FGF10: variants seen among roughly 807,000 people sequenced by gnomAD.
The protein encoded by FGF10 is fibroblast growth factor 10, also known as FGF-10.
Under a neutral mutation model 19.8 loss-of-function variants are expected in FGF10, and 2 were observed. The ratio of observed to expected loss-of-function variants is 0.10; its 90% CI spans 0.04 to 0.32. The LOEUF is 0.32. Among genes scored for constraint, FGF10 ranks in the 10% least tolerant of loss-of-function variants. FGF10 has a pLI of 1.00. For missense variants in FGF10, 191 were observed against 246.3 expected (o/e 0.78, Z 1.50); for synonymous variants, 112 against 94.0 (o/e 1.19, Z -1.10).
At chr5:44,375,146 T>C (rs972117308) in intron 1 of FGF10, among the ~76,000 whole-genome samples, 2 of 152,144 alleles carry the variant, frequency 1.3e-5, no homozygotes, top group African/African-American at 4.8e-5. Flanking sequence ...TAATAATATA[T>C]AGAAAGAGGA....
At chr5:44,374,630 C>T (rs1741814281) in intron 1 of FGF10, among the ~76,000 whole-genome samples, 3 of 152,180 alleles carry the variant, frequency 2.0e-5, no homozygotes, top group Admixed American at 6.5e-5. Context: ...CAGACAAGAC[C>T]ACTCCCTTTA....
At chr5:44,340,898 C>T (rs572151616) in intron 1 of FGF10, among the ~76,000 whole-genome samples, 1 of 149,762 alleles carries the variant, frequency 6.7e-6, no homozygotes, top group African/African-American at 2.4e-5. Context: ...AGGGGAGAGA[C>T]AAAACAAAAG....
chr5:44,332,074 T>C (rs1740747481), intron 1 of FGF10, among the ~76,000 whole-genome samples: 1 of 152,144 alleles, frequency 6.6e-6, no homozygotes, highest in Non-Finnish European at 1.5e-5. Context: ...AGCACAAGTA[T>C]GAACCCCAGT....
intron 1 of FGF10, among the ~76,000 whole-genome samples, chr5:44,353,338 G>A (rs1041266703): frequency 1.7e-4 from 25 of 151,486 alleles, no homozygotes; most frequent in African/African-American, 5.8e-4. Flanking sequence ...AGAACTATAT[G>A]GTTTGTTCTG....
At chr5:44,380,514 A>AT (rs1441716497) in intron 1 of FGF10, among the ~76,000 whole-genome samples, 2 of 152,138 alleles carry the variant, frequency 1.3e-5, no homozygotes, top group African/African-American at 4.8e-5. Flanking sequence ...TTGTTTCCTG[A>AT]TTTAAAAAGT....
chr5:44,351,900 T>C (rs1321147876), intron 1 of FGF10, among the ~76,000 whole-genome samples: 1 of 151,668 alleles, frequency 6.6e-6, no homozygotes, highest in Admixed American at 6.6e-5. Flanking sequence ...ATTTATATCT[T>C]GATTTTTACG....
chr5:44,388,398 GTTC>G lies in FGF10; in HGVS notation c.282_284del (p.Lys94del). 1 of 1,613,700 alleles carries G rather than the reference GTTC, an allele frequency of 6.2e-7. No individual in the cohort carries two copies. The highest frequency in any genetic ancestry group is 8.5e-7 in the Non-Finnish European group (1 of 1,180,010). On this transcript the variant is annotated inframe_deletion, in exon 1 of 3. Coordinates refer to ENST00000264664, the MANE Select transcript of FGF10 (RefSeq NM_004465.2). ...CCTTCTTGGTCCCGCTGACCTTCCC[GTTC>G]TTCTCAATCTTGAGAAAGTACTTGG...
At chr5:44,379,984 C>G (rs1239010916) in intron 1 of FGF10, among the ~76,000 whole-genome samples, 2 of 152,144 alleles carry the variant, frequency 1.3e-5, no homozygotes, top group Non-Finnish European at 2.9e-5. Flanking sequence ...TATTTTTGTT[C>G]ATCAAGTTTT....
chr5:44,331,823 G>A (rs934365802), intron 1 of FGF10, among the ~76,000 whole-genome samples: 3 of 152,060 alleles, frequency 2.0e-5, no homozygotes, highest in African/African-American at 7.2e-5. Context: ...AATCATGCTA[G>A]CATCATGCTA....
intron 1 of FGF10, among the ~76,000 whole-genome samples, chr5:44,364,963 A>G (rs1477168979): frequency 6.6e-6 from 1 of 151,952 alleles, no homozygotes; most frequent in Non-Finnish European, 1.5e-5. Context: ...AGCTAAAATG[A>G]GAGAATAAGA....
chr5:44,379,561 A>G (rs989516093), intron 1 of FGF10, among the ~76,000 whole-genome samples: 1 of 152,128 alleles, frequency 6.6e-6, no homozygotes, highest in Non-Finnish European at 1.5e-5. Context: ...CATACTTTTA[A>G]TCACTCTATC....
In FGF10 at chr5:44,348,115, A is replaced by G. The variant is rs748613669; in HGVS notation, c.326-37585T>C. ...GAAGCTCCTGAGGATTCTACCTGCC[A>G]TCTCTCTATACCATGAATGAAGTAG... On this transcript the variant is annotated intron_variant, in intron 1 of 2. Coordinates refer to ENST00000264664, the MANE Select transcript of FGF10 (RefSeq NM_004465.2). Among the ~76,000 whole-genome samples, 51 of 151,814 alleles carry G rather than the reference A, an allele frequency of 3.4e-4. 1 individual carries two copies. Among genetic ancestry groups the G allele is most frequent in the East Asian group, 2.9e-3 (15 of 5,126 alleles).
chr5:44,309,751 T>C (rs1338365443), intron 2 of FGF10, among the ~76,000 whole-genome samples: 1 of 152,010 alleles, frequency 6.6e-6, no homozygotes, highest in African/African-American at 2.4e-5. Context: ...TTTAAAAGAG[T>C]TTGATCCAAG....
chr5:44,317,759 T>C (rs1324049179), intron 1 of FGF10, among the ~76,000 whole-genome samples: 1 of 152,126 alleles, frequency 6.6e-6, no homozygotes, highest in African/African-American at 2.4e-5. Context: ...TGGTAGAGAT[T>C]TTTTAAATGT....
chr5:44,335,481 T>C (rs145016054), intron 1 of FGF10, among the ~76,000 whole-genome samples: 11 of 152,294 alleles, frequency 7.2e-5, no homozygotes, highest in African/African-American at 2.6e-4. Context: ...ATTCTACTGG[T>C]AACAATCATT....
At chr5:44,311,114 C>A (rs1055319981) in intron 1 of FGF10, among the ~76,000 whole-genome samples, 1 of 151,908 alleles carries the variant, frequency 6.6e-6, no homozygotes, top group Non-Finnish European at 1.5e-5. Context: ...TCTGCACTGT[C>A]CCTGAAATAG....
At chr5:44,334,708 G>A (rs1740807743) in intron 1 of FGF10, among the ~76,000 whole-genome samples, 1 of 152,064 alleles carries the variant, frequency 6.6e-6, no homozygotes, top group South Asian at 2.1e-4. Context: ...TCAGCCAAAT[G>A]CTCTTTTCAC....
At chr5:44,310,199 A>G (rs1355322239) in intron 2 of FGF10, among the ~76,000 whole-genome samples, 1 of 152,012 alleles carries the variant, frequency 6.6e-6, no homozygotes, top group Non-Finnish European at 1.5e-5. Context: ...ATTCACAGAC[A>G]AATGCCAGCA....
chr5:44,388,158 G>C (rs552167968), intron 1 of FGF10, among the ~76,000 whole-genome samples, 200 bp downstream of exon 1: 5 of 151,504 alleles, frequency 3.3e-5, no homozygotes, highest in African/African-American at 1.2e-4. Flanking sequence ...TGAAGGGAGC[G>C]CGCTTAGGGG....
Sources: allele counts gnomAD v4.1 joint callset (sites outside exome capture counted in the v4.1 genomes callset), GRCh38; gene constraint gnomAD v4.1.1; transcripts MANE v1.5; gene names NCBI Gene and HGNC (gene_info 2026-07-23, HGNC 2026-07-21).